The following FMN1 variants were observed in gnomAD, a reference collection of about 807,000 sequenced individuals.
The protein encoded by FMN1 is formin-1.
In FMN1, 110 loss-of-function variants were observed where a neutral mutation model predicts 132.4. The ratio of observed to expected loss-of-function variants is 0.83; its 90% confidence interval spans 0.71 to 0.97. FMN1 has a LOEUF of 0.97. Among genes scored for constraint, FMN1 ranks in the 50% least tolerant of loss-of-function variants. FMN1 has a pLI of 0.00. For missense variants in FMN1, 1,792 were observed against 1,705.3 expected (o/e 1.05, Z -0.90); for synonymous variants, 722 against 651.7 (o/e 1.11, Z -1.64).
intron 6 of FMN1, among the ~76,000 whole-genome samples, chr15:33,019,590 G>T (rs1016831779): frequency 6.6e-6 from 1 of 152,204 alleles, no homozygotes; most frequent in Non-Finnish European, 1.5e-5. Context: ...GCGAAACTCA[G>T]GCATGGCGAG....
intron 4 of FMN1, chr15:33,105,962 G>GTA (rs2039468895): frequency 6.6e-6 from 1 of 152,096 alleles, no homozygotes; most frequent in South Asian, 2.1e-4. Flanking sequence ...TCTTTGATGT[G>GTA]TAGCATGAAG....
chr15:33,138,120 A>G (rs114176393), intron 4 of FMN1, among the ~76,000 whole-genome samples: 2,315 of 152,332 alleles, frequency 0.015, 59 homozygotes, highest in African/African-American at 0.053. Flanking sequence ...ACCAGTATCC[A>G]TAAGCACAAC....
intron 7 of FMN1, among the ~76,000 whole-genome samples, chr15:32,990,229 G>A (rs1054740538): frequency 3.3e-5 from 5 of 152,070 alleles, no homozygotes; most frequent in Non-Finnish European, 5.9e-5. Flanking sequence ...AATATAAAAG[G>A]TCAGGTGACT....
intron 9 of FMN1, among the ~76,000 whole-genome samples, chr15:32,937,844 A>C (rs1175859033): frequency 1.3e-5 from 2 of 152,248 alleles, no homozygotes; most frequent in Admixed American, 6.5e-5. Context: ...GAAGAAACAT[A>C]TATTTTAAAA....
chr15:32,937,137 T>C (rs2061294685), intron 9 of FMN1, among the ~76,000 whole-genome samples: 1 of 152,178 alleles, frequency 6.6e-6, no homozygotes, highest in African/African-American at 2.4e-5. Flanking sequence ...GAGGGGCAAT[T>C]GCACTGAATG....
At chr15:32,945,836 A>C (rs2061497825) in intron 9 of FMN1, among the ~76,000 whole-genome samples, 1 of 152,172 alleles carries the variant, frequency 6.6e-6, no homozygotes. Flanking sequence ...TCTGAGACAG[A>C]ACTCCAAGGG....
At chr15:32,993,921 T>A (rs1169919075) in intron 7 of FMN1, among the ~76,000 whole-genome samples, 4 of 135,734 alleles carry the variant, frequency 2.9e-5, no homozygotes, top group African/African-American at 5.4e-5. Context: ...GTGGGGGGGG[T>A]CTTTTGGAAA....
At chr15:33,023,527 A>C (rs1242064694) in intron 6 of FMN1, among the ~76,000 whole-genome samples, 1 of 152,214 alleles carries the variant, frequency 6.6e-6, no homozygotes, top group Admixed American at 6.5e-5. Flanking sequence ...GTGATTGTAA[A>C]ATTCTGATAT....
chr15:32,969,242 C>T lies in FMN1; in HGVS notation c.2459G>A (p.Ser820Asn). 1 of 1,613,872 alleles carries T rather than the reference C, an allele frequency of 6.2e-7. No individual in the cohort carries two copies. Among genetic ancestry groups the T allele is most frequent in the Non-Finnish European group, 8.5e-7 (1 of 1,179,878 alleles). ...ETFLKPCESESKTTRSNQLVP... is the reference protein window; with the variant it reads ...ETFLKPCESENKTTRSNQLVP... ...TAATTGATTACTTCTGGTTGTCTTG[C>T]TTTCACTTTCACAGGGCTTGAGGAA... The change falls in exon 8 of 21, where the codon AGC becomes AAC. Residue 820 changes from serine (S) to asparagine (N), a missense_variant. Transcript: ENST00000616417.
chr15:33,102,301 G>A (rs779356574), intron 4 of FMN1, among the ~76,000 whole-genome samples: 10 of 152,122 alleles, frequency 6.6e-5, no homozygotes, highest in Non-Finnish European at 1.5e-4. Context: ...GAAAGAAGGA[G>A]CTATTGTTGA....
chr15:32,876,408 G>T (rs889771383), intron 16 of FMN1, among the ~76,000 whole-genome samples: 1 of 152,154 alleles, frequency 6.6e-6, no homozygotes, highest in Admixed American at 6.5e-5. Flanking sequence ...TTAGGTCCTG[G>T]AACAGAAAGG....
chr15:33,038,231 C>T (rs1219497944), intron 6 of FMN1, among the ~76,000 whole-genome samples: 1 of 152,122 alleles, frequency 6.6e-6, no homozygotes, highest in Non-Finnish European at 1.5e-5. Flanking sequence ...CCGCCTCAAA[C>T]AGTAAAATAA....
At chr15:33,038,333 T>C (rs1463354404) in intron 6 of FMN1, among the ~76,000 whole-genome samples, 1 of 152,272 alleles carries the variant, frequency 6.6e-6, no homozygotes, top group African/African-American at 2.4e-5. Context: ...CTTCTGTGTT[T>C]AAAAATGGTG....
At chr15:32,894,025 C>T (rs2060094498) in intron 15 of FMN1, among the ~76,000 whole-genome samples, 1 of 152,202 alleles carries the variant, frequency 6.6e-6, no homozygotes, top group African/African-American at 2.4e-5. Context: ...CCCGCTGCTG[C>T]TTCTTAATTT....
chr15:32,925,113 G>A (rs977221757), intron 10 of FMN1, among the ~76,000 whole-genome samples: 1 of 152,064 alleles, frequency 6.6e-6, no homozygotes, highest in African/African-American at 2.4e-5. Flanking sequence ...CTAAAATTGA[G>A]CCAAAGATAA....
At chr15:32,944,648 C>A (rs529612133) in intron 9 of FMN1, among the ~76,000 whole-genome samples, 3 of 151,910 alleles carry the variant, frequency 2.0e-5, no homozygotes, top group Admixed American at 1.3e-4. Flanking sequence ...AGTCTGAGAA[C>A]GTATTTGGCA....
At chr15:32,996,727 C>T (rs572002209) in intron 7 of FMN1, among the ~76,000 whole-genome samples, 17 of 151,562 alleles carry the variant, frequency 1.1e-4, no homozygotes, top group South Asian at 2.1e-4. Context: ...ATGTTACGCG[C>T]GTATACACAC....
At chr15:32,995,599 T>A (rs150753048) in intron 7 of FMN1, among the ~76,000 whole-genome samples, 3 of 152,338 alleles carry the variant, frequency 2.0e-5, no homozygotes, top group African/African-American at 7.2e-5. Context: ...ATCATCATTA[T>A]TACCATCATT....
intron 7 of FMN1, among the ~76,000 whole-genome samples, chr15:32,985,213 C>T (rs1254963026): frequency 1.3e-5 from 2 of 152,040 alleles, no homozygotes; most frequent in African/African-American, 4.8e-5. Context: ...CTAAACTACC[C>T]AATTTGGTGG....
Sources: gnomAD v4.1 joint callset for allele counts (sites outside exome capture counted in the v4.1 genomes callset) on GRCh38, gnomAD v4.1.1 for gene constraint, MANE v1.5 for transcripts, NCBI Gene and HGNC (gene_info 2026-07-23, HGNC 2026-07-21) for gene names.